The following SIL1 variants were observed in gnomAD, a reference collection of about 807,000 sequenced individuals.
The protein encoded by SIL1 is nucleotide exchange factor SIL1.
In SIL1, 40 loss-of-function variants were observed where a neutral mutation model predicts 49.1. That is an observed-to-expected ratio of 0.81 (90% CI 0.63 to 1.06). The LOEUF is 1.06. Ranked by LOEUF, SIL1 falls within the 50% of genes least tolerant of loss-of-function variation. SIL1 has a pLI of 0.00. For synonymous variants in SIL1, 253 were observed against 250.8 expected, an observed-to-expected ratio of 1.01 and a Z score of -0.08; for missense variants, 500 against 572.6, an observed-to-expected ratio of 0.87 and a Z score of 1.29.
chr5:138,957,653 A>C (rs75421288), intron 7 of SIL1, among the ~76,000 whole-genome samples: 2 of 152,138 alleles, frequency 1.3e-5, no homozygotes, highest in East Asian at 1.9e-4. Context: ...ATCCAGATTC[A>C]CCAATTGTGG....
intron 4 of SIL1, among the ~76,000 whole-genome samples, chr5:139,045,085 G>A (rs1210393702): frequency 6.6e-6 from 1 of 152,180 alleles, no homozygotes; most frequent in Non-Finnish European, 1.5e-5. Context: ...AGTCGGGTGT[G>A]GTGGGTCATG....
At chr5:138,973,765 T>C (rs774736607) in intron 7 of SIL1, among the ~76,000 whole-genome samples, 2 of 152,112 alleles carry the variant, frequency 1.3e-5, no homozygotes, top group African/African-American at 2.4e-5. Context: ...GTTGTTGTGA[T>C]TGTAGAGACT....
intron 1 of SIL1, among the ~76,000 whole-genome samples, chr5:139,142,479 G>A (rs575204080): frequency 1.3e-5 from 2 of 152,156 alleles, no homozygotes; most frequent in Admixed American, 1.3e-4. Flanking sequence ...TACAAGAGTG[G>A]CTCAACATAT....
At chr5:139,067,722 C>T (rs1446896695) in intron 3 of SIL1, among the ~76,000 whole-genome samples, 1 of 152,212 alleles carries the variant, frequency 6.6e-6, no homozygotes, top group East Asian at 1.9e-4. Flanking sequence ...CAAGGCCTTG[C>T]AGCAACCGGC....
At chr5:138,974,831 T>C (rs1423222419) in intron 7 of SIL1, among the ~76,000 whole-genome samples, 1 of 152,240 alleles carries the variant, frequency 6.6e-6, no homozygotes, top group East Asian at 1.9e-4. Context: ...TGCTGTGTTC[T>C]GTGCTATGAG....
intron 1 of SIL1, chr5:139,133,284 G>A (rs1018487429): frequency 6.6e-6 from 1 of 152,198 alleles, no homozygotes; most frequent in Non-Finnish European, 1.5e-5. Flanking sequence ...TATCAAAAGT[G>A]TCCATTTGTA....
intron 1 of SIL1, among the ~76,000 whole-genome samples, chr5:139,197,738 T>C (rs1752305569): frequency 6.6e-6 from 1 of 151,972 alleles, no homozygotes; most frequent in Admixed American, 6.6e-5. Context: ...CACCATCTTA[T>C]CGGAAATCCC....
intron 8 of SIL1, 125 bp downstream of exon 8, chr5:138,951,661 CCT>C: frequency 1.1e-6 from 1 of 930,218 alleles, no homozygotes; most frequent in Non-Finnish European, 1.7e-6. Flanking sequence ...AACTTCTCCC[CCT>C]GTGCCACCCA....
chr5:139,052,232 T>C (rs1014150839), intron 3 of SIL1, among the ~76,000 whole-genome samples: 3 of 152,184 alleles, frequency 2.0e-5, no homozygotes, highest in Non-Finnish European at 4.4e-5. Flanking sequence ...AGTCACTCTA[T>C]CCCCAATCAA....
Position 138,946,877 on chromosome 5 carries a change from G to C in SIL1, c.*240C>G. Reference sequence around the variant, plus strand: ...GTTCCTGCCCTGGAGCCTGTTCCTGGATGCCCTGGGCTGAGCCCTGCACGT... The same window carrying C: ...GTTCCTGCCCTGGAGCCTGTTCCTGCATGCCCTGGGCTGAGCCCTGCACGT... On this transcript the variant is annotated 3_prime_UTR_variant, in exon 10 of 10. Coordinates refer to ENST00000394817, the MANE Select transcript of SIL1 (RefSeq NM_022464.5). The C allele has an allele frequency of 1.8e-6, 1 of 559,986 alleles. No homozygotes were observed. Among genetic ancestry groups the C allele is most frequent in the South Asian group, 2.0e-5 (1 of 48,974 alleles). 34.7% of individuals were successfully genotyped at this position (559,986 alleles called of 1,614,324 possible). A position where few individuals can be genotyped will look rare whatever the true frequency, so the allele number is the denominator to read the frequency against.
intron 7 of SIL1, among the ~76,000 whole-genome samples, chr5:138,969,375 T>G (rs748098525): frequency 2.6e-5 from 4 of 152,336 alleles, no homozygotes; most frequent in Non-Finnish European, 4.4e-5. Context: ...CAGTCCTCTC[T>G]GGCTGAAGAC....
At chr5:139,000,410 G>A (rs1767960055) in intron 7 of SIL1, among the ~76,000 whole-genome samples, 2 of 152,030 alleles carry the variant, frequency 1.3e-5, no homozygotes, top group Admixed American at 1.3e-4. Flanking sequence ...ATTGGTGCAA[G>A]GATAGAAAAA....
At chr5:139,010,282 C>T (rs1205480170) in intron 7 of SIL1, among the ~76,000 whole-genome samples, 11 of 149,650 alleles carry the variant, frequency 7.4e-5, no homozygotes, top group East Asian at 2.0e-4. Flanking sequence ...GCATTCTTCA[C>T]GTAGTTCTCG....
At chr5:139,113,684 G>A (rs1165290459) in intron 3 of SIL1, among the ~76,000 whole-genome samples, 36 of 152,224 alleles carry the variant, frequency 2.4e-4, no homozygotes, top group Admixed American at 2.4e-3. Flanking sequence ...CAGCCCTTGA[G>A]AACTACTCCT....
At chr5:139,052,301 G>A (rs1769308560) in intron 3 of SIL1, among the ~76,000 whole-genome samples, 1 of 152,166 alleles carries the variant, frequency 6.6e-6, no homozygotes. Context: ...CTTCAGTAGG[G>A]AGTTTCTGTA....
chr5:139,161,172 G>C (rs1413378587), intron 1 of SIL1, among the ~76,000 whole-genome samples: 1 of 152,206 alleles, frequency 6.6e-6, no homozygotes, highest in Admixed American at 6.5e-5. Flanking sequence ...GAACCTGGGA[G>C]GCAGAGGTTG....
At chr5:139,076,905 C>T (rs62381235) in intron 3 of SIL1, among the ~76,000 whole-genome samples, 15,737 of 152,152 alleles carry the variant, frequency 0.1, 906 homozygotes, top group African/African-American at 0.11. Flanking sequence ...CCAAGGCAGG[C>T]GGATCACGAG....
chr5:138,957,679 TTCTG>T (rs899895070), intron 7 of SIL1, among the ~76,000 whole-genome samples: 1 of 152,212 alleles, frequency 6.6e-6, no homozygotes, highest in African/African-American at 2.4e-5. Context: ...TACCACAATT[TTCTG>T]TCTCTCTTAA....
intron 7 of SIL1, among the ~76,000 whole-genome samples, chr5:139,000,687 AAC>A (rs1223830526): frequency 6.6e-6 from 1 of 152,174 alleles, no homozygotes; most frequent in Non-Finnish European, 1.5e-5. Context: ...GATTTCTTAA[AAC>A]ACACAGAGAA....
Sources: allele counts gnomAD v4.1 joint callset (sites outside exome capture counted in the v4.1 genomes callset), GRCh38; gene constraint gnomAD v4.1.1; transcripts MANE v1.5; gene names NCBI Gene and HGNC (gene_info 2026-07-23, HGNC 2026-07-21).